Variants in WWOX observed in about 807,000 individuals in gnomAD.
WWOX encodes WW domain containing oxidoreductase.
WWOX carries 69 observed loss-of-function variants against 46.2 expected under a neutral mutation model. The ratio of observed to expected loss-of-function variants is 1.49; its 90% CI spans 1.23 to 1.82. The LOEUF (loss-of-function observed/expected upper bound fraction) is 1.82, where lower values mean the gene tolerates loss of function less well. WWOX is among the 40% of genes most tolerant of loss of function. The pLI, the probability that WWOX is intolerant of heterozygous loss-of-function variation, is 0.00. For synonymous variants in WWOX, 359 were observed against 202.6 expected (o/e 1.77, Z -6.56); for missense variants, 919 against 542.6 (o/e 1.69, Z -6.89).
chr16:79,011,047 T>A (rs900422298), intron 8 of WWOX, among the ~76,000 whole-genome samples: 1 of 152,082 alleles, frequency 6.6e-6, no homozygotes, highest in African/African-American at 2.4e-5. Flanking sequence ...TACTTCTGTA[T>A]ATAAATATAT....
chr16:78,626,833 CATTT>C lies in WWOX; in HGVS notation c.1056+194086_1056+194089del, dbSNP rs577037588. On this transcript the variant is annotated intron_variant, in intron 8 of 8. Coordinates refer to ENST00000566780, the MANE Select transcript of WWOX (RefSeq NM_016373.4). ...ATTTATATCACGGTACACTCATGGA[CATTT>C]ATTTTATGCTTTATGTTATAATCCT... Among the ~76,000 whole-genome samples the C allele has an allele frequency of 3.9e-5, 6 of 152,260 alleles. No individual in the cohort carries two copies. The South Asian group carries it at 1.2e-3, about 32-fold the overall frequency.
At chr16:78,294,939 G>A (rs1312893408) in intron 5 of WWOX, among the ~76,000 whole-genome samples, 8 of 152,180 alleles carry the variant, frequency 5.3e-5, no homozygotes, top group Non-Finnish European at 1.2e-4. Context: ...GGAGATACGC[G>A]ACTTTCTACT....
At chr16:78,423,735 A>G (rs1291750092) in intron 6 of WWOX, among the ~76,000 whole-genome samples, 5 of 151,540 alleles carry the variant, frequency 3.3e-5, no homozygotes, top group Non-Finnish European at 7.4e-5. Flanking sequence ...AGTCCCAGTT[A>G]CTCGGGAGGC....
chr16:78,514,790 T>C (rs1257237878), intron 8 of WWOX, among the ~76,000 whole-genome samples: 1 of 152,186 alleles, frequency 6.6e-6, no homozygotes, highest in African/African-American at 2.4e-5. Flanking sequence ...AATGTTACTA[T>C]AATTTGTCTG....
intron 5 of WWOX, among the ~76,000 whole-genome samples, chr16:78,379,764 C>T (rs1357226405): frequency 6.6e-6 from 1 of 152,136 alleles, no homozygotes; most frequent in African/African-American, 2.4e-5. Context: ...CTGCAATTAA[C>T]AATGATTGTA....
chr16:78,276,667 G>C (rs2079584575), intron 5 of WWOX, among the ~76,000 whole-genome samples: 1 of 152,182 alleles, frequency 6.6e-6, no homozygotes, highest in Non-Finnish European at 1.5e-5. Context: ...TTGTAGCTGT[G>C]ATCTCTCAGT....
At chr16:78,622,112 T>A (rs1300538601) in intron 8 of WWOX, among the ~76,000 whole-genome samples, 1 of 152,184 alleles carries the variant, frequency 6.6e-6, no homozygotes, top group Non-Finnish European at 1.5e-5. Flanking sequence ...GGGCAGCAGA[T>A]AATTTTAGTA....
chr16:78,955,535 A>G (rs79104210), intron 8 of WWOX, among the ~76,000 whole-genome samples: 5,498 of 152,334 alleles, frequency 0.036, 350 homozygotes, highest in African/African-American at 0.13. Context: ...CTGCAGGGAT[A>G]ATAACTGCAC....
At chr16:78,099,955 G>C (rs2031646579) in intron 1 of WWOX, 70 bp downstream of exon 1, 1 of 1,529,820 alleles carries the variant, frequency 6.5e-7, no homozygotes, top group East Asian at 2.6e-5. Flanking sequence ...CACCTGCGCG[G>C]GGAGGACGCG....
intron 8 of WWOX, among the ~76,000 whole-genome samples, chr16:78,966,501 C>T (rs1358305516): frequency 6.6e-6 from 1 of 151,982 alleles, no homozygotes; most frequent in African/African-American, 2.4e-5. Context: ...CACTTAGTGG[C>T]TATGACTGTA....
At chr16:78,531,283 G>C (rs1464090155) in intron 8 of WWOX, among the ~76,000 whole-genome samples, 2 of 152,314 alleles carry the variant, frequency 1.3e-5, no homozygotes, top group East Asian at 3.9e-4. Context: ...CATTCTCCGA[G>C]ATGGATGGTT....
rs1169380386 is a variant in WWOX at position 78,785,226 on chromosome 16, G to C, written c.1056+352474G>C. ...TTTGCTAGCAGGCGCTCTCAGCAAA[G>C]GAGATAAGGCTGCAGTAATTCTCTT... On this transcript the variant is annotated intron_variant, in intron 8 of 8. Transcript: ENST00000566780. Among the ~76,000 whole-genome samples the C allele has an allele frequency of 2.0e-5, 3 of 152,232 alleles. No individual in the cohort carries two copies. The East Asian group carries it at 5.8e-4, about 29-fold the overall frequency.
At chr16:79,007,310 G>A (rs2047210307) in intron 8 of WWOX, among the ~76,000 whole-genome samples, 1 of 152,176 alleles carries the variant, frequency 6.6e-6, no homozygotes, top group Non-Finnish European at 1.5e-5. Context: ...GAGGGCCCCT[G>A]AGAAACTCTA....
intron 8 of WWOX, among the ~76,000 whole-genome samples, chr16:79,003,989 C>A (rs913945848): frequency 2.0e-5 from 3 of 152,174 alleles, no homozygotes; most frequent in African/African-American, 7.2e-5. Flanking sequence ...CTGTACTCTG[C>A]AATGCTGAGT....
intron 8 of WWOX, chr16:79,016,224 A>C (rs758308685): frequency 6.6e-6 from 1 of 152,148 alleles, no homozygotes; most frequent in African/African-American, 2.4e-5. Context: ...TTGTACCCCA[A>C]TGAGTACAAT....
intron 8 of WWOX, among the ~76,000 whole-genome samples, chr16:78,487,879 C>T (rs192425975): frequency 6.6e-6 from 1 of 152,158 alleles, no homozygotes; most frequent in African/African-American, 2.4e-5. Context: ...CATAAGGCAA[C>T]CTTATGTCAC....
intron 8 of WWOX, among the ~76,000 whole-genome samples, chr16:78,965,965 A>C (rs1317516663): frequency 6.6e-6 from 1 of 152,262 alleles, no homozygotes; most frequent in Non-Finnish European, 1.5e-5. Flanking sequence ...AGTTGGAGGA[A>C]GGAGATGCTG....
At chr16:78,907,957 G>A (rs1041748645) in intron 8 of WWOX, among the ~76,000 whole-genome samples, 1 of 152,180 alleles carries the variant, frequency 6.6e-6, no homozygotes, top group Middle Eastern at 3.2e-3. Context: ...GGAGGAGGCT[G>A]GGATCAGTGC....
chr16:78,851,789 T>A (rs965485725), intron 8 of WWOX, among the ~76,000 whole-genome samples: 2 of 152,260 alleles, frequency 1.3e-5, no homozygotes, highest in East Asian at 1.9e-4. Flanking sequence ...GATGAACTGT[T>A]CAAAAGTTTT....
Sources: gnomAD v4.1 joint callset for allele counts (sites outside exome capture counted in the v4.1 genomes callset) on GRCh38, gnomAD v4.1.1 for gene constraint, MANE v1.5 for transcripts, NCBI Gene and HGNC (gene_info 2026-07-23, HGNC 2026-07-21) for gene names.